The following MB21D2 variants were observed in gnomAD, a reference collection of about 807,000 sequenced individuals.
The protein encoded by MB21D2 is Mab-21 domain containing 2, also known as nucleotidyltransferase MB21D2.
In MB21D2, 9 loss-of-function variants were observed where a neutral mutation model predicts 33.3. The observed-to-expected ratio is 0.27, with a 90% CI of 0.16 to 0.47. MB21D2 has a LOEUF of 0.47. MB21D2 is among the 20% of genes least tolerant of loss of function. The pLI is 0.99. For synonymous variants in MB21D2, 241 were observed against 236.3 expected (o/e 1.02, Z -0.18); for missense variants, 540 against 624.6 (o/e 0.86, Z 1.44).
In MB21D2 at chr3:192,882,657, T is replaced by TAAAAATTA. The variant is rs1713626361; in HGVS notation, c.211+34972_211+34973insTAATTTTT. On this transcript the variant is annotated intron_variant, in intron 1 of 1. Transcript: ENST00000392452. Reference sequence around the variant, plus strand: ...AACTGAGATTTTTATCCATTTTAGATGTATATAATTTCTCTGCCTGGTAGA... The same window carrying TAAAAATTA: ...AACTGAGATTTTTATCCATTTTAGATAAAAATTAGTATATAATTTCTCTGCCTGGTAGA... 4.6e-5 allele frequency among the ~76,000 whole-genome samples: 7 copies of TAAAAATTA among 152,200 alleles called. No homozygotes were observed. The South Asian group carries it at 1.2e-3, about 27-fold the overall frequency.
At chr3:192,842,988 A>G (rs1386754729) in intron 1 of MB21D2, among the ~76,000 whole-genome samples, 1 of 152,228 alleles carries the variant, frequency 6.6e-6, no homozygotes, top group Non-Finnish European at 1.5e-5. Flanking sequence ...TGGGGTGAAA[A>G]GAGCACATGT....
At chr3:192,897,215 G>A (rs1577200177) in intron 1 of MB21D2, among the ~76,000 whole-genome samples, 2 of 152,296 alleles carry the variant, frequency 1.3e-5, no homozygotes, top group East Asian at 1.9e-4. Flanking sequence ...AAACTAGTCA[G>A]AGAGGCTAGT....
intron 1 of MB21D2, among the ~76,000 whole-genome samples, chr3:192,873,675 A>G (rs1713366681): frequency 6.6e-6 from 1 of 152,138 alleles, no homozygotes; most frequent in African/African-American, 2.4e-5. Context: ...CCCTGGAAAC[A>G]GGAGACTCTC....
rs1042831044 is a variant in MB21D2 at position 192,796,861 on chromosome 3, T to A, written c.*1525A>T. The A allele has an allele frequency of 6.6e-6, 1 of 152,512 alleles. No individual in the cohort carries two copies. The highest frequency in any genetic ancestry group is 1.5e-5 in the Non-Finnish European group (1 of 68,032). 9.4% of individuals were successfully genotyped at this position (152,512 alleles called of 1,614,324 possible). On this transcript the variant is annotated 3_prime_UTR_variant, in exon 2 of 2. Transcript: ENST00000392452. ...TTTTTTATTATTTTTGTGTTTGACT[T>A]AGATGGTTGAAATGTTTTCATTTTT...
intron 1 of MB21D2, among the ~76,000 whole-genome samples, chr3:192,917,139 A>G (rs549614825): frequency 4.6e-5 from 7 of 152,306 alleles, no homozygotes; most frequent in African/African-American, 1.7e-4. Flanking sequence ...GAGACGACAG[A>G]AGCAACTTGT....
intron 1 of MB21D2, among the ~76,000 whole-genome samples, chr3:192,823,249 A>G (rs577308991): frequency 6.6e-6 from 1 of 152,370 alleles, no homozygotes; most frequent in Non-Finnish European, 1.5e-5. Context: ...AATTCATGTC[A>G]TACAAAAATG....
At chr3:192,818,483 T>C (rs1320179942) in intron 1 of MB21D2, among the ~76,000 whole-genome samples, 1 of 151,976 alleles carries the variant, frequency 6.6e-6, no homozygotes, top group Admixed American at 6.6e-5. Context: ...AGTCACAGAG[T>C]TCTCAGCTCA....
chr3:192,827,942 A>G (rs1712212710), intron 1 of MB21D2, among the ~76,000 whole-genome samples: 2 of 151,996 alleles, frequency 1.3e-5, no homozygotes, highest in African/African-American at 4.8e-5. Context: ...GAATCATGGG[A>G]TTGGTTTCCC....
chr3:192,829,913 G>A (rs1256389383), intron 1 of MB21D2, among the ~76,000 whole-genome samples: 1 of 152,152 alleles, frequency 6.6e-6, no homozygotes, highest in East Asian at 1.9e-4. Context: ...TTATTGTAGA[G>A]ACAAGGGTCT....
chr3:192,828,623 T>C (rs1477552427), intron 1 of MB21D2, among the ~76,000 whole-genome samples: 830 of 25,914 alleles, frequency 0.032, 131 homozygotes, highest in South Asian at 0.088. Flanking sequence ...TATATATATA[T>C]ATATATATAT....
intron 1 of MB21D2, among the ~76,000 whole-genome samples, chr3:192,900,886 A>G (rs2367137): frequency 0.53 from 79,780 of 150,982 alleles, 21,244 homozygotes; most frequent in Admixed American, 0.54. Context: ...GGCTATGGTG[A>G]GCTGAGATCG....
At chr3:192,837,296 C>T (rs1712462200) in intron 1 of MB21D2, among the ~76,000 whole-genome samples, 1 of 152,116 alleles carries the variant, frequency 6.6e-6, no homozygotes, top group Admixed American at 6.5e-5. Flanking sequence ...AGAGACATTC[C>T]CACATAAACA....
At chr3:192,882,505 A>T (rs1219106859) in intron 1 of MB21D2, among the ~76,000 whole-genome samples, 1 of 152,148 alleles carries the variant, frequency 6.6e-6, no homozygotes, top group African/African-American at 2.4e-5. Context: ...TGTCCTTTCA[A>T]TGCCATACTG....
At chr3:192,865,468 G>A (rs144716421) in intron 1 of MB21D2, among the ~76,000 whole-genome samples, 39 of 152,298 alleles carry the variant, frequency 2.6e-4, no homozygotes, top group African/African-American at 9.1e-4. Context: ...CAAAGTACAT[G>A]CATTAACATT....
intron 1 of MB21D2, among the ~76,000 whole-genome samples, chr3:192,828,645 T>C (rs1178089848): frequency 0.038 from 1,484 of 38,754 alleles, 264 homozygotes; most frequent in African/African-American, 0.15. Flanking sequence ...TATATATATA[T>C]ATATATATAT....
chr3:192,887,756 T>C (rs1440663535), intron 1 of MB21D2, among the ~76,000 whole-genome samples: 1 of 152,140 alleles, frequency 6.6e-6, no homozygotes, highest in African/African-American at 2.4e-5. Flanking sequence ...AAGCATCCTA[T>C]TTTTTGAACG....
chr3:192,833,187 C>T (rs1315397392), intron 1 of MB21D2, among the ~76,000 whole-genome samples: 1 of 152,162 alleles, frequency 6.6e-6, no homozygotes, highest in Non-Finnish European at 1.5e-5. Flanking sequence ...GTTGTCTCCC[C>T]TCGTGGCAAT....
At chr3:192,893,498 T>C (rs778111879) in intron 1 of MB21D2, among the ~76,000 whole-genome samples, 14 of 151,810 alleles carry the variant, frequency 9.2e-5, no homozygotes, top group Admixed American at 1.3e-4. Context: ...AAAGAGGAGG[T>C]GATTAGCTGA....
At chr3:192,873,623 T>C (rs942599012) in intron 1 of MB21D2, among the ~76,000 whole-genome samples, 2 of 152,194 alleles carry the variant, frequency 1.3e-5, no homozygotes, top group Admixed American at 6.5e-5. Flanking sequence ...TTATCCCTCC[T>C]CTACCACTCT....
Sources: allele counts gnomAD v4.1 joint callset (sites outside exome capture counted in the v4.1 genomes callset), GRCh38; gene constraint gnomAD v4.1.1; transcripts MANE v1.5; gene names NCBI Gene and HGNC (gene_info 2026-07-23, HGNC 2026-07-21).